Variants in TMEM232 observed in about 807,000 individuals in gnomAD.
The protein encoded by TMEM232 is transmembrane protein 232.
A neutral mutation model predicts 78.8 loss-of-function variants in TMEM232; 80 were observed. The observed-to-expected ratio is 1.01, with a 90% CI of 0.85 to 1.22. The LOEUF is 1.22. Ranked by LOEUF, TMEM232 falls within the 50% of genes most tolerant of loss-of-function variation. The pLI is 0.00. For missense variants in TMEM232, 881 were observed against 742.2 expected (o/e 1.19, Z -2.17); for synonymous variants, 297 against 254.3 (o/e 1.17, Z -1.60).
intron 11 of TMEM232, among the ~76,000 whole-genome samples, chr5:110,535,985 G>T (rs186480151): frequency 1.3e-5 from 2 of 152,336 alleles, no homozygotes; most frequent in Non-Finnish European, 2.9e-5. Context: ...GAAAGTACCT[G>T]TGGTTGATCC....
chr5:110,611,453 A>C (rs1782264351), intron 8 of TMEM232, among the ~76,000 whole-genome samples: 1 of 152,062 alleles, frequency 6.6e-6, no homozygotes, highest in South Asian at 2.1e-4. Context: ...GAAGGGATGG[A>C]GCCTCAGACA....
chr5:110,735,009 CCT>C (rs1272582492), exon 2 of TMEM232: 3 of 152,056 alleles, frequency 2.0e-5, no homozygotes, highest in African/African-American at 2.4e-5. Context: ...ACAGTGATGC[CCT>C]GTCTCTAAAA....
At chr5:110,543,328 A>G (rs1159681787) in intron 11 of TMEM232, among the ~76,000 whole-genome samples, 3 of 152,126 alleles carry the variant, frequency 2.0e-5, no homozygotes, top group East Asian at 1.9e-4. Flanking sequence ...GTAAATTTCT[A>G]TCCTTCATTG....
At chr5:110,481,831 T>A (rs1239583633) in intron 12 of TMEM232, among the ~76,000 whole-genome samples, 1 of 152,096 alleles carries the variant, frequency 6.6e-6, no homozygotes, top group Non-Finnish European at 1.5e-5. Flanking sequence ...AACCAGTAAG[T>A]ATAAGAACAC....
chr5:110,410,546 T>C (rs999125894), intron 2 of TMEM232, among the ~76,000 whole-genome samples: 2 of 152,208 alleles, frequency 1.3e-5, no homozygotes, highest in African/African-American at 4.8e-5. Context: ...ACAAGCTATA[T>C]AGGCTTGCTG....
intron 1 of TMEM232, among the ~76,000 whole-genome samples, chr5:110,737,391 T>G (rs1325105042): frequency 6.6e-6 from 1 of 152,166 alleles, no homozygotes; most frequent in East Asian, 1.9e-4. Flanking sequence ...AAAAAACCCC[T>G]ATATTTGTTT....
intron 5 of TMEM232, among the ~76,000 whole-genome samples, chr5:110,631,935 A>G (rs2149975204): frequency 6.6e-6 from 1 of 151,712 alleles, no homozygotes; most frequent in South Asian, 2.1e-4. Context: ...TAGAGGCGCA[A>G]GAATTGGCCC....
intron 1 of TMEM232, among the ~76,000 whole-genome samples, chr5:110,711,767 A>G (rs1796505999): frequency 6.6e-6 from 1 of 152,130 alleles, no homozygotes; most frequent in Non-Finnish European, 1.5e-5. Context: ...TGTCTCTTGA[A>G]ATATACAAAA....
intron 10 of TMEM232, among the ~76,000 whole-genome samples, chr5:110,570,771 A>G (rs1776852822): frequency 2.0e-5 from 3 of 151,978 alleles, no homozygotes. Context: ...TCTAAATCTC[A>G]TTATGTTACT....
chr5:110,578,782 G>C (rs1179911730), intron 10 of TMEM232, among the ~76,000 whole-genome samples: 2 of 151,818 alleles, frequency 1.3e-5, no homozygotes, highest in Non-Finnish European at 2.9e-5. Context: ...CAATTCGATA[G>C]GAACAAATGG....
chr5:110,459,740 G>C (rs1012033115), intron 12 of TMEM232, among the ~76,000 whole-genome samples: 1 of 152,092 alleles, frequency 6.6e-6, no homozygotes, highest in Non-Finnish European at 1.5e-5. Context: ...GTAACTTTAT[G>C]ATGGGGAAAT....
intron 12 of TMEM232, among the ~76,000 whole-genome samples, chr5:110,432,022 C>T (rs2112687023): frequency 6.6e-6 from 1 of 151,752 alleles, no homozygotes; most frequent in South Asian, 2.1e-4. Flanking sequence ...ACTTTAAATA[C>T]TTGAGCTACA....
At chr5:110,445,137 T>C (rs995044797) in intron 12 of TMEM232, among the ~76,000 whole-genome samples, 8 of 152,050 alleles carry the variant, frequency 5.3e-5, no homozygotes, top group African/African-American at 1.9e-4. Flanking sequence ...CATTTTTTTC[T>C]TCTTTTTCTG....
chr5:110,432,719 C>T (rs1757995591), intron 12 of TMEM232, among the ~76,000 whole-genome samples: 1 of 151,728 alleles, frequency 6.6e-6, no homozygotes, highest in Non-Finnish European at 1.5e-5. Flanking sequence ...ACACATTCTT[C>T]TGCTGTCTTT....
At chr5:110,631,363 G>C (rs1240112839) in intron 5 of TMEM232, among the ~76,000 whole-genome samples, 1 of 152,096 alleles carries the variant, frequency 6.6e-6, no homozygotes, top group Non-Finnish European at 1.5e-5. Context: ...AGCAGAGAGA[G>C]AGATCCCATT....
rs1158580858 is a variant in TMEM232, at chr5:110,508,673, A to G, written c.1703+19915T>C. 4.0e-5 allele frequency among the ~76,000 whole-genome samples: 6 copies of G among 150,342 alleles called. No individual in the cohort carries two copies. The South Asian group carries it at 8.3e-4, about 21-fold the overall frequency. Reference sequence around the variant, plus strand: ...TGTAGCCCTTGACATGAACATTTTCATGTAAAGTTTCTGGTCAAGCTGTTT... The same window carrying G: ...TGTAGCCCTTGACATGAACATTTTCGTGTAAAGTTTCTGGTCAAGCTGTTT... On this transcript the variant is annotated intron_variant, in intron 12 of 13. Transcript: ENST00000455884.
chr5:110,463,629 AT>A (rs1761766739), intron 12 of TMEM232, among the ~76,000 whole-genome samples: 1 of 152,142 alleles, frequency 6.6e-6, no homozygotes, highest in South Asian at 2.1e-4. Context: ...ATTCCACCTG[AT>A]TTTAGTTAAA....
chr5:110,547,596 T>G (rs1326769663), intron 11 of TMEM232, among the ~76,000 whole-genome samples: 1 of 152,136 alleles, frequency 6.6e-6, no homozygotes, highest in Non-Finnish European at 1.5e-5. Context: ...CCCAAAATAC[T>G]GGCGAGGAGT....
chr5:110,647,015 T>C (rs537498992), intron 2 of TMEM232, among the ~76,000 whole-genome samples: 2 of 151,922 alleles, frequency 1.3e-5, no homozygotes, highest in South Asian at 4.1e-4. Context: ...TACTATGGTA[T>C]ACTGGAAGTA....
Sources: allele counts gnomAD v4.1 joint callset (sites outside exome capture counted in the v4.1 genomes callset), GRCh38; gene constraint gnomAD v4.1.1; transcripts MANE v1.5; gene names NCBI Gene and HGNC (gene_info 2026-07-23, HGNC 2026-07-21).